The following STK33 variants were observed in gnomAD, a reference collection of about 807,000 sequenced individuals.
STK33 encodes the protein serine/threonine kinase 33.
STK33 carries 52 observed loss-of-function variants against 58.0 expected under a neutral mutation model. The observed-to-expected ratio is 0.90, with a 90% confidence interval of 0.72 to 1.13. The LOEUF (loss-of-function observed/expected upper bound fraction) is 1.13, where lower values mean the gene tolerates loss of function less well. STK33 is among the 50% of genes most tolerant of loss of function. The pLI is 0.00. For missense variants in STK33, 630 were observed against 604.2 expected, an observed-to-expected ratio of 1.04 and a Z score of -0.45; for synonymous variants, 215 against 200.1, an observed-to-expected ratio of 1.07 and a Z score of -0.63.
At chr11:8,589,788 C>T (rs1484682138) in intron 1 of STK33, among the ~76,000 whole-genome samples, 2 of 152,048 alleles carry the variant, frequency 1.3e-5, no homozygotes, top group Admixed American at 6.6e-5. Context: ...TTGGTGTTTA[C>T]TTTTATAATA....
intron 15 of STK33, among the ~76,000 whole-genome samples, chr11:8,407,859 A>G (rs930710363): frequency 6.6e-6 from 1 of 152,166 alleles, no homozygotes. Flanking sequence ...CAAGCAGGAT[A>G]AAAGTGAAGA....
At chr11:8,561,798 C>A (rs1957131209) in intron 1 of STK33, among the ~76,000 whole-genome samples, 1 of 152,182 alleles carries the variant, frequency 6.6e-6, no homozygotes, top group Non-Finnish European at 1.5e-5. Context: ...CCTCATATAA[C>A]TTTAGGAAAT....
intron 15 of STK33, among the ~76,000 whole-genome samples, chr11:8,404,916 G>A (rs12222273): frequency 0.19 from 28,800 of 152,114 alleles, 3,309 homozygotes; most frequent in African/African-American, 0.31. Context: ...CAAGGTAGGC[G>A]GATCGCGAGG....
chr11:8,337,640 G>T, the STK33 span, among the ~76,000 whole-genome samples: 7 of 134,350 alleles, frequency 5.2e-5, no homozygotes, highest in Admixed American at 2.8e-4. Flanking sequence ...GACGACGGCG[G>T]GGGGCGGGGG....
At chr11:8,485,749 A>C (rs1385322096) in intron 1 of STK33, among the ~76,000 whole-genome samples, 1 of 152,214 alleles carries the variant, frequency 6.6e-6, no homozygotes, top group Non-Finnish European at 1.5e-5. Flanking sequence ...AGTAAACTCT[A>C]CTTAGTGGAG....
intron 11 of STK33, among the ~76,000 whole-genome samples, chr11:8,446,957 A>C (rs1341314340): frequency 2.0e-5 from 3 of 152,240 alleles, no homozygotes; most frequent in African/African-American, 7.2e-5. Flanking sequence ...CAAAAGCCAA[A>C]ATTGACAAAT....
chr11:8,362,245 G>T, the STK33 span, among the ~76,000 whole-genome samples: 2 of 152,138 alleles, frequency 1.3e-5, no homozygotes, highest in African/African-American at 4.8e-5. Flanking sequence ...AAAATAGTGT[G>T]CCCATTTCTC....
intron 1 of STK33, among the ~76,000 whole-genome samples, chr11:8,511,602 G>T (rs4326784): frequency 0.26 from 39,475 of 151,938 alleles, 5,255 homozygotes; most frequent in South Asian, 0.33. Context: ...CAATATGATG[G>T]TGGCTGTGGT....
rs992353669 is a variant in STK33 at position 8,516,886 on chromosome 11, T to C, written c.-465-36272A>G. 8.5e-5 allele frequency among the ~76,000 whole-genome samples: 13 copies of C among 152,258 alleles called. No homozygotes were observed. The East Asian group carries it at 2.5e-3, about 29-fold the overall frequency. Reference sequence around the variant, plus strand: ...CAGCTCAAGGAGGCCTGCCTGCCTCTGTAGACTCCACATCTGGGGCAGGGC... The same window carrying C: ...CAGCTCAAGGAGGCCTGCCTGCCTCCGTAGACTCCACATCTGGGGCAGGGC... On this transcript the variant is annotated intron_variant, in intron 1 of 15. Transcript: ENST00000687296.
intron 15 of STK33, among the ~76,000 whole-genome samples, chr11:8,396,639 G>A (rs113130322): frequency 3.0e-4 from 46 of 152,292 alleles, no homozygotes; most frequent in Non-Finnish European, 5.3e-4. Flanking sequence ...GCAGCGCACC[G>A]AACGTGAGCC....
chr11:8,535,236 A>G lies in STK33; in HGVS notation c.-465-54622T>C, dbSNP rs1269343524. On this transcript the variant is annotated intron_variant, in intron 1 of 15. Coordinates refer to ENST00000687296, the MANE Select transcript of STK33 (RefSeq NM_001352389.2). ...TTATTGGGCTTATTTCTAAAATGTT[A>G]CTAATGCACTTTACAGGTTTAAGTT... Among the ~76,000 whole-genome samples the G allele has an allele frequency of 2.6e-5, 4 of 152,154 alleles. No individual in the cohort carries two copies. The East Asian group carries it at 5.8e-4, about 22-fold the overall frequency.
At chr11:8,476,131 A>G (rs1195850965) in intron 4 of STK33, among the ~76,000 whole-genome samples, 2 of 152,096 alleles carry the variant, frequency 1.3e-5, no homozygotes, top group Non-Finnish European at 2.9e-5. Context: ...TTTCTTACTA[A>G]CAGAATCCTG....
At chr11:8,416,491 G>T (rs1941144999) in intron 14 of STK33, among the ~76,000 whole-genome samples, 1 of 152,136 alleles carries the variant, frequency 6.6e-6, no homozygotes, top group Admixed American at 6.5e-5. Flanking sequence ...AAAAGGTAAA[G>T]GGCATGAAAC....
intron 6 of STK33, chr11:8,466,079 C>G (rs1948146726): frequency 6.6e-6 from 1 of 152,162 alleles, no homozygotes; most frequent in Non-Finnish European, 1.5e-5. Flanking sequence ...CCCAGTGGTT[C>G]CCTCCCATGA....
chr11:8,515,249 G>A (rs1357908626), intron 1 of STK33, among the ~76,000 whole-genome samples: 2 of 152,106 alleles, frequency 1.3e-5, no homozygotes, highest in African/African-American at 4.8e-5. Flanking sequence ...TCATGCTACA[G>A]AAATAAAAAG....
chr11:8,403,848 G>A (rs1938589060), intron 15 of STK33, among the ~76,000 whole-genome samples: 1 of 152,202 alleles, frequency 6.6e-6, no homozygotes. Flanking sequence ...CTTGTCTGGT[G>A]ATAATGGATG....
the STK33 span, among the ~76,000 whole-genome samples, chr11:8,362,903 T>C: frequency 7.5e-6 from 1 of 133,716 alleles, no homozygotes; most frequent in Non-Finnish European, 1.6e-5. Flanking sequence ...CCTCTCTCTC[T>C]CCCTTCCTTC....
intron 1 of STK33, among the ~76,000 whole-genome samples, chr11:8,551,374 C>T (rs1462714404): frequency 6.6e-6 from 1 of 152,116 alleles, no homozygotes; most frequent in Non-Finnish European, 1.5e-5. Flanking sequence ...AAGCAATCTG[C>T]CCACCTCAGA....
At chr11:8,348,539 C>T in the STK33 span, among the ~76,000 whole-genome samples, 2 of 152,214 alleles carry the variant, frequency 1.3e-5, no homozygotes, top group Non-Finnish European at 2.9e-5. Flanking sequence ...TCCCATGATA[C>T]GTGGGGATTA....
Sources: gnomAD v4.1 joint callset for allele counts (sites outside exome capture counted in the v4.1 genomes callset) on GRCh38, gnomAD v4.1.1 for gene constraint, MANE v1.5 for transcripts, NCBI Gene and HGNC (gene_info 2026-07-23, HGNC 2026-07-21) for gene names.